Variants in SEMA3D observed in about 807,000 individuals in gnomAD.
SEMA3D encodes the protein semaphorin-3D.
A neutral mutation model predicts 100.1 loss-of-function variants in SEMA3D; 84 were observed. That is an observed-to-expected ratio of 0.84 (90% confidence interval 0.70 to 1.01). The LOEUF is 1.01. Among genes scored for constraint, SEMA3D ranks in the 50% least tolerant of loss-of-function variants. SEMA3D has a pLI of 0.00. For synonymous variants in SEMA3D, 312 were observed against 320.7 expected (o/e 0.97, Z 0.29); for missense variants, 875 against 934.1 (o/e 0.94, Z 0.82).
the SEMA3D span, among the ~76,000 whole-genome samples, chr7:85,244,969 C>T: frequency 6.6e-6 from 1 of 152,078 alleles, no homozygotes; most frequent in Non-Finnish European, 1.5e-5. Context: ...CTTGGCCTCC[C>T]AAAGTGTTGG....
At chr7:85,029,202 G>T in intron 12 of SEMA3D, 1 of 698,986 alleles carries the variant, frequency 1.4e-6, no homozygotes, top group Non-Finnish European at 2.7e-6. Flanking sequence ...TGCACACCAT[G>T]GTGCTCATCA....
At chr7:85,151,202 C>A (rs1030333162) in intron 2 of SEMA3D, among the ~76,000 whole-genome samples, 1 of 151,742 alleles carries the variant, frequency 6.6e-6, no homozygotes, top group Non-Finnish European at 1.5e-5. Flanking sequence ...GCTGCAAAAA[C>A]CCTATGTAAA....
At chr7:85,212,855 C>T in the SEMA3D span, among the ~76,000 whole-genome samples, 10 of 151,888 alleles carry the variant, frequency 6.6e-5, no homozygotes, top group Non-Finnish European at 1.2e-4. Flanking sequence ...GATTACATTT[C>T]AGGCAAAATA....
intron 4 of SEMA3D, among the ~76,000 whole-genome samples, chr7:85,083,533 C>T (rs1788121726): frequency 6.6e-6 from 1 of 152,192 alleles, no homozygotes; most frequent in African/African-American, 2.4e-5. Flanking sequence ...GGCAAAAATA[C>T]TGGACTGAGT....
chr7:85,047,930 T>C (rs1449933372), intron 9 of SEMA3D, among the ~76,000 whole-genome samples: 2 of 151,858 alleles, frequency 1.3e-5, no homozygotes, highest in Non-Finnish European at 2.9e-5. Flanking sequence ...GATATATGCA[T>C]TCTTTGTGTG....
chr7:85,168,830 AAAG>A (rs1790993649), intron 1 of SEMA3D, among the ~76,000 whole-genome samples: 1 of 52,026 alleles, frequency 1.9e-5, no homozygotes, highest in Non-Finnish European at 3.8e-5. Context: ...TGAAAGAAAG[AAAG>A]AAAGAAAGAA....
At chr7:85,053,378 A>G (rs1157479476) in intron 9 of SEMA3D, among the ~76,000 whole-genome samples, 1 of 152,022 alleles carries the variant, frequency 6.6e-6, no homozygotes, top group African/African-American at 2.4e-5. Flanking sequence ...AAACAGTATT[A>G]TAATGACGCT....
intron 1 of SEMA3D, 30 bp from the exon 2 acceptor site, chr7:85,153,769 T>A (rs1190847189): frequency 6.6e-6 from 1 of 152,116 alleles, no homozygotes; most frequent in African/African-American, 2.4e-5. Context: ...ATACTGTAGT[T>A]CCAGTCCAAA....
At chr7:85,126,326 A>G (rs1789562905) in intron 2 of SEMA3D, among the ~76,000 whole-genome samples, 2 of 151,408 alleles carry the variant, frequency 1.3e-5, no homozygotes, top group Non-Finnish European at 2.9e-5. Context: ...TAAAATATGT[A>G]AGTCTTCTTG....
At chr7:85,160,525 G>T (rs369239107) in intron 1 of SEMA3D, among the ~76,000 whole-genome samples, 3 of 152,060 alleles carry the variant, frequency 2.0e-5, no homozygotes, top group Non-Finnish European at 4.4e-5. Flanking sequence ...GGGGCGATGC[G>T]GTTTGCCTGA....
At chr7:85,025,770 C>T (rs901609474) in intron 12 of SEMA3D, among the ~76,000 whole-genome samples, 3 of 151,954 alleles carry the variant, frequency 2.0e-5, no homozygotes, top group Non-Finnish European at 4.4e-5. Flanking sequence ...GCTTATTCAT[C>T]GAAGAGTCAA....
At chr7:85,182,218 G>A (rs1414477312) in intron 1 of SEMA3D, among the ~76,000 whole-genome samples, 1 of 151,644 alleles carries the variant, frequency 6.6e-6, no homozygotes, top group African/African-American at 2.4e-5. Context: ...TTTTTAATTA[G>A]TATTCTTATA....
chr7:85,187,270 C>T (rs775233785), upstream of SEMA3D, among the ~76,000 whole-genome samples: 1 of 152,188 alleles, frequency 6.6e-6, no homozygotes, highest in South Asian at 2.1e-4. Flanking sequence ...ATGTGTAAAG[C>T]AACCTCTAAC....
At chr7:85,062,342 C>A (rs968841778) in intron 8 of SEMA3D, among the ~76,000 whole-genome samples, 1 of 151,838 alleles carries the variant, frequency 6.6e-6, no homozygotes, top group African/African-American at 2.4e-5. Flanking sequence ...AGTTAGTAAA[C>A]AATAAAATGG....
chr7:85,028,961 CG>C, intron 12 of SEMA3D: 1 of 295,018 alleles, frequency 3.4e-6, no homozygotes, highest in South Asian at 4.1e-5. Flanking sequence ...TCCAGGCAGC[CG>C]TCCTATCTAG....
upstream of SEMA3D, among the ~76,000 whole-genome samples, chr7:85,187,905 A>G (rs1383749599): frequency 6.6e-6 from 1 of 152,162 alleles, no homozygotes; most frequent in Non-Finnish European, 1.5e-5. Flanking sequence ...TGCATGGTAA[A>G]TCCTTTGTGA....
At chr7:85,201,061 T>A in the SEMA3D span, among the ~76,000 whole-genome samples, 3 of 152,242 alleles carry the variant, frequency 2.0e-5, no homozygotes, top group Non-Finnish European at 4.4e-5. Context: ...TTCTCAAGTT[T>A]CTTTGTTCCA....
chr7:85,013,668 A>T (rs1467588572), intron 16 of SEMA3D, among the ~76,000 whole-genome samples: 2 of 151,814 alleles, frequency 1.3e-5, no homozygotes, highest in African/African-American at 4.8e-5. Context: ...TGCTGAACAG[A>T]TGACAACAGA....
At chr7:85,186,389 T>C (rs1427666203) in intron 1 of SEMA3D, among the ~76,000 whole-genome samples, 1 of 152,136 alleles carries the variant, frequency 6.6e-6, no homozygotes, top group Non-Finnish European at 1.5e-5. Context: ...TGTGCAGTGC[T>C]GCCAGGCGGA....
Sources: allele counts gnomAD v4.1 joint callset (sites outside exome capture counted in the v4.1 genomes callset), GRCh38; gene constraint gnomAD v4.1.1; transcripts MANE v1.5; gene names NCBI Gene and HGNC (gene_info 2026-07-23, HGNC 2026-07-21).